SHISA9: variants seen among roughly 807,000 people sequenced by gnomAD.
SHISA9 encodes the protein shisa family member 9.
A neutral mutation model predicts 38.0 loss-of-function variants in SHISA9; 13 were observed. The ratio of observed to expected loss-of-function variants is 0.34; its 90% confidence interval spans 0.22 to 0.54. The LOEUF (loss-of-function observed/expected upper bound fraction) is 0.54. Ranked by LOEUF, SHISA9 falls within the 20% of genes least tolerant of loss-of-function variation. The probability of loss-of-function intolerance (pLI) is 0.91; values close to 1 mark genes in which losing one functional copy is unlikely to be tolerated. For synonymous variants in SHISA9, 275 were observed against 242.0 expected (o/e 1.14, Z -1.27); for missense variants, 538 against 575.8 (o/e 0.93, Z 0.67).
chr16:13,221,166 C>T (rs1467159204), intron 4 of SHISA9, among the ~76,000 whole-genome samples: 1 of 152,156 alleles, frequency 6.6e-6, no homozygotes, highest in Non-Finnish European at 1.5e-5. Flanking sequence ...AGATATGGTG[C>T]CCCGTGGGGA....
chr16:13,269,691 T>A, the SHISA9 span, among the ~76,000 whole-genome samples: 1 of 152,188 alleles, frequency 6.6e-6, no homozygotes, highest in Non-Finnish European at 1.5e-5. Flanking sequence ...GGAGACAGTA[T>A]ATGCTAAGGT....
chr16:13,377,749 C>T, the SHISA9 span, among the ~76,000 whole-genome samples: 5 of 152,124 alleles, frequency 3.3e-5, no homozygotes, highest in Admixed American at 6.5e-5. Flanking sequence ...TATGCAAGGC[C>T]GGGTGCAGTG....
intron 2 of SHISA9, among the ~76,000 whole-genome samples, chr16:13,069,884 G>A (rs559207447): frequency 1.3e-5 from 2 of 152,234 alleles, no homozygotes; most frequent in East Asian, 1.9e-4. Context: ...GAAGAGAGGT[G>A]TCTATGAGGA....
chr16:13,042,804 T>C (rs1411220472), intron 2 of SHISA9, among the ~76,000 whole-genome samples: 1 of 152,150 alleles, frequency 6.6e-6, no homozygotes, highest in African/African-American at 2.4e-5. Context: ...TTGTTTATTG[T>C]CGGTCTCCTC....
the SHISA9 span, among the ~76,000 whole-genome samples, chr16:13,507,898 G>T: frequency 1.3e-5 from 2 of 152,166 alleles, no homozygotes; most frequent in Admixed American, 1.3e-4. Context: ...CGTGCCTTAG[G>T]TGCACACACT....
chr16:13,047,415 C>A (rs2141894919), intron 2 of SHISA9, among the ~76,000 whole-genome samples: 1 of 152,158 alleles, frequency 6.6e-6, no homozygotes, highest in South Asian at 2.1e-4. Context: ...ACATATCCAG[C>A]CCCAGATTGT....
At chr16:12,950,517 C>T (rs1428288248) in intron 2 of SHISA9, among the ~76,000 whole-genome samples, 1 of 152,046 alleles carries the variant, frequency 6.6e-6, no homozygotes, top group Non-Finnish European at 1.5e-5. Context: ...AACTCTAGTG[C>T]ACTGTTAGTG....
intron 2 of SHISA9, among the ~76,000 whole-genome samples, chr16:13,096,636 C>T (rs866417376): frequency 3.3e-5 from 5 of 152,144 alleles, no homozygotes; most frequent in African/African-American, 1.2e-4. Flanking sequence ...AAGCCTTTCA[C>T]GGTGCCCAAA....
At chr16:12,911,909 A>G (rs1026354594) in intron 1 of SHISA9, among the ~76,000 whole-genome samples, 8 of 152,234 alleles carry the variant, frequency 5.3e-5, no homozygotes, top group African/African-American at 1.9e-4. Flanking sequence ...AGTTTTTGCC[A>G]TTACTTTCAA....
chr16:13,296,624 A>T, the SHISA9 span, among the ~76,000 whole-genome samples: 1 of 152,004 alleles, frequency 6.6e-6, no homozygotes, highest in Non-Finnish European at 1.5e-5. Flanking sequence ...CTTTTTATAG[A>T]TACAATACTT....
chr16:13,549,887 G>T, the SHISA9 span, among the ~76,000 whole-genome samples: 1 of 152,064 alleles, frequency 6.6e-6, no homozygotes, highest in African/African-American at 2.4e-5. Context: ...GCTGGGCATG[G>T]TCGTAAGCGC....
intron 2 of SHISA9, among the ~76,000 whole-genome samples, chr16:12,970,404 C>CATATATATACATATATGT (rs2072051590): frequency 0.017 from 198 of 11,718 alleles, 17 homozygotes; most frequent in Middle Eastern, 0.071. Context: ...TATATATATA[C>CATATATATACATATATGT]ATATATATAT....
the SHISA9 span, among the ~76,000 whole-genome samples, chr16:13,295,132 A>T: frequency 6.6e-6 from 1 of 152,238 alleles, no homozygotes; most frequent in Admixed American, 6.5e-5. Flanking sequence ...TAATTGTGAC[A>T]CTACATCACC....
At chr16:13,515,684 A>T in the SHISA9 span, among the ~76,000 whole-genome samples, 4 of 151,940 alleles carry the variant, frequency 2.6e-5, no homozygotes, top group East Asian at 1.9e-4. Flanking sequence ...TCTATTTTAA[A>T]TCTTCTTCCC....
At chr16:13,201,776 G>A (rs909868723) in intron 2 of SHISA9, among the ~76,000 whole-genome samples, 1 of 126,994 alleles carries the variant, frequency 7.9e-6, no homozygotes, top group African/African-American at 3.2e-5. Flanking sequence ...CTGACCACTT[G>A]AGGATGAGGT....
chr16:13,138,660 T>A (rs1053295509), intron 2 of SHISA9, among the ~76,000 whole-genome samples: 2 of 152,244 alleles, frequency 1.3e-5, no homozygotes, highest in Non-Finnish European at 2.9e-5. Flanking sequence ...TATGGATGGA[T>A]GTCTCACAAG....
At chr16:13,363,570 A>G in the SHISA9 span, among the ~76,000 whole-genome samples, 1 of 152,204 alleles carries the variant, frequency 6.6e-6, no homozygotes, top group Non-Finnish European at 1.5e-5. Context: ...AACTATGTGC[A>G]AAGAAGTGGA....
chr16:13,220,766 C>G (rs1007480593), intron 4 of SHISA9, among the ~76,000 whole-genome samples: 2 of 150,258 alleles, frequency 1.3e-5, no homozygotes, highest in African/African-American at 4.9e-5. Flanking sequence ...GGGAGGGGAT[C>G]TGTGCTCAGC....
At chr16:13,376,257 G>A in the SHISA9 span, among the ~76,000 whole-genome samples, 3 of 152,244 alleles carry the variant, frequency 2.0e-5, no homozygotes, top group Non-Finnish European at 4.4e-5. Flanking sequence ...GGGAGTGGCA[G>A]TAAATATTTT....
Sources: gnomAD v4.1 joint callset for allele counts (sites outside exome capture counted in the v4.1 genomes callset) on GRCh38, gnomAD v4.1.1 for gene constraint, MANE v1.5 for transcripts, NCBI Gene and HGNC (gene_info 2026-07-23, HGNC 2026-07-21) for gene names.